ANKIB1: variants seen among roughly 807,000 people sequenced by gnomAD.
The protein encoded by ANKIB1 is ankyrin repeat and IBR domain containing 1, also known as ankyrin repeat and IBR domain-containing protein 1.
ANKIB1 carries 43 observed loss-of-function variants against 122.1 expected under a neutral mutation model. The observed-to-expected ratio is 0.35, with a 90% CI of 0.28 to 0.45. The LOEUF is 0.45. ANKIB1 is among the 20% of genes least tolerant of loss of function. The pLI, the probability that ANKIB1 is intolerant of heterozygous loss-of-function variation, is 1.00. For synonymous variants in ANKIB1, 390 were observed against 442.0 expected (o/e 0.88, Z 1.48); for missense variants, 992 against 1,329.5 (o/e 0.75, Z 3.95).
At chr7:92,382,599 A>T (rs375814617) in intron 11 of ANKIB1, among the ~76,000 whole-genome samples, 2 of 152,318 alleles carry the variant, frequency 1.3e-5, no homozygotes, top group East Asian at 1.9e-4. Flanking sequence ...TCAAAACCGC[A>T]CAACTACATG....
intron 9 of ANKIB1, among the ~76,000 whole-genome samples, chr7:92,358,368 G>A (rs1803870167): frequency 1.3e-5 from 2 of 152,084 alleles, no homozygotes; most frequent in Non-Finnish European, 2.9e-5. Context: ...GTACCAACCA[G>A]TTATAACACC....
chr7:92,370,507 T>TA, intron 10 of ANKIB1, among the ~76,000 whole-genome samples: 1 of 23,078 alleles, frequency 4.3e-5, no homozygotes, highest in South Asian at 1.4e-3. Context: ...GACTCTTGTC[T>TA]CAAAAAAAAA....
chr7:92,248,459 G>A (rs754226653), intron 1 of ANKIB1, among the ~76,000 whole-genome samples: 6 of 152,108 alleles, frequency 3.9e-5, no homozygotes, highest in Non-Finnish European at 5.9e-5. Context: ...AGTGAAATAT[G>A]TGTATTTACA....
In ANKIB1 at chr7:92,343,022, A is replaced by T. The variant is rs1301743745; in HGVS notation, c.788-2A>T. ...GAGCTATCCATTCCATTTTTCTTTAAGACTGGGACAGGGAGAAATTACTTG... is the reference window on the plus strand; with the variant it reads ...GAGCTATCCATTCCATTTTTCTTTATGACTGGGACAGGGAGAAATTACTTG... On this transcript the variant is annotated splice_acceptor_variant, in intron 5 of 19. Coordinates refer to ENST00000265742, the MANE Select transcript of ANKIB1 (RefSeq NM_019004.2). LOFTEE classifies it high-confidence loss of function. 1 of 1,613,690 alleles carries T rather than the reference A, an allele frequency of 6.2e-7. No individual in the cohort carries two copies.
rs38794 is a variant in ANKIB1 at position 92,398,725 on chromosome 7, C to A, written c.3046C>A (p.Leu1016Met). 854,738 of 1,612,898 alleles carry A rather than the reference C, an allele frequency of 0.53. 230,013 individuals carry two copies. The highest frequency in any genetic ancestry group is 0.57 in the Admixed American group (34,436 of 59,944). Residue 1016 changes from leucine (L) to methionine (M), a missense_variant, in exon 20 of 20, where the codon CTG becomes ATG. This residue lies in a region of ANKIB1 where 384 missense variants were observed against 412.0 expected (regional missense o/e 0.93). Transcript: ENST00000265742. ...DGSEGVKDVE[L>M]VLPEDSMFED... is the part of the protein sequence containing the mutation. ...GTCAGAAGGTGTGAAGGATGTGGAA[C>A]TGGTGCTGCCAGAAGATTCAATGTT...
intron 5 of ANKIB1, among the ~76,000 whole-genome samples, chr7:92,336,014 A>T (rs1803280116): frequency 6.6e-6 from 1 of 152,058 alleles, no homozygotes; most frequent in South Asian, 2.1e-4. Flanking sequence ...GCATTAGTGT[A>T]GTACCACTTC....
chr7:92,296,053 G>A (rs79706240), intron 2 of ANKIB1, among the ~76,000 whole-genome samples: 8,658 of 152,026 alleles, frequency 0.057, 328 homozygotes, highest in Non-Finnish European at 0.087. Context: ...AAAACTTAAC[G>A]TTCAGCCTTT....
At position 92,371,407 on chromosome 7, in the gene ANKIB1, G is replaced by A. The variant is rs1249490483; in HGVS notation, c.1487-70G>A. 13 of 1,360,256 alleles carry A rather than the reference G, an allele frequency of 9.6e-6. No homozygotes were observed. The Admixed American group carries it at 3.0e-4, about 31-fold the overall frequency. The allele number at this position is 1,360,256 out of a possible 1,614,324, so 84.3% of individuals were successfully genotyped here. On this transcript the variant is annotated intron_variant, in intron 10 of 19. Transcript: ENST00000265742. The stretch of plus-strand genomic sequence containing the variant: ...GACAGCCTGCAAAGAAAAGTGTGGA[G>A]GGTTTTTTTTTCCCCCAGAAGTTGT...
rs183498666 is a variant in ANKIB1 at position 92,372,110 on chromosome 7, C to T, written c.1617+503C>T. On this transcript the variant is annotated intron_variant, in intron 11 of 19. Coordinates refer to ENST00000265742, the MANE Select transcript of ANKIB1 (RefSeq NM_019004.2). ...TCAAGGCCCAAACTAGGCCCAAATC[C>T]AGTCCATATACTGTCTCCATACAAT... Among the ~76,000 whole-genome samples, 33 of 152,066 alleles carry T rather than the reference C, an allele frequency of 2.2e-4. No homozygotes were observed. In the East Asian group the frequency reaches 5.0e-3, roughly 23 times the overall value.
intron 1 of ANKIB1, among the ~76,000 whole-genome samples, chr7:92,251,585 A>G (rs1321406347): frequency 1.3e-5 from 2 of 152,106 alleles, no homozygotes; most frequent in Admixed American, 6.6e-5. Context: ...GATTTCTCCT[A>G]TTGTTAATAT....
intron 15 of ANKIB1, among the ~76,000 whole-genome samples, chr7:92,390,490 A>C (rs1433211551): frequency 6.6e-6 from 1 of 152,338 alleles, no homozygotes; most frequent in Non-Finnish European, 1.5e-5. Flanking sequence ...GCTGTTTACC[A>C]GTTTATTTTT....
intron 1 of ANKIB1, among the ~76,000 whole-genome samples, chr7:92,258,086 A>G (rs1801486059): frequency 6.6e-6 from 1 of 152,208 alleles, no homozygotes; most frequent in Non-Finnish European, 1.5e-5. Flanking sequence ...TTTGAAAAAC[A>G]TTACTTTTCT....
At chr7:92,290,709 T>G (rs1319701629) in intron 1 of ANKIB1, among the ~76,000 whole-genome samples, 1 of 152,232 alleles carries the variant, frequency 6.6e-6, no homozygotes, top group Non-Finnish European at 1.5e-5. Context: ...TTTGTTAATT[T>G]AAGTACCGTT....
chr7:92,289,763 G>T (rs1802208894), intron 1 of ANKIB1, among the ~76,000 whole-genome samples: 1 of 152,114 alleles, frequency 6.6e-6, no homozygotes, highest in South Asian at 2.1e-4. Flanking sequence ...TATTTTATTT[G>T]CCCACATGCT....
intron 11 of ANKIB1, among the ~76,000 whole-genome samples, chr7:92,384,289 T>TCA: frequency 6.6e-6 from 1 of 152,158 alleles, no homozygotes; most frequent in Non-Finnish European, 1.5e-5. Flanking sequence ...AGAATCAATA[T>TCA]TGTAAAAATG....
At chr7:92,306,897 T>A (rs1246651556) in intron 2 of ANKIB1, among the ~76,000 whole-genome samples, 1 of 152,190 alleles carries the variant, frequency 6.6e-6, no homozygotes, top group Non-Finnish European at 1.5e-5. Flanking sequence ...GCCACTAATA[T>A]AGTAGTTGTT....
At chr7:92,268,431 C>T (rs553285307) in intron 1 of ANKIB1, among the ~76,000 whole-genome samples, 13 of 152,152 alleles carry the variant, frequency 8.5e-5, no homozygotes, top group Non-Finnish European at 1.8e-4. Flanking sequence ...AAAACTGAAG[C>T]GATCATGTTA....
At chr7:92,367,883 C>A (rs578059651) in intron 10 of ANKIB1, among the ~76,000 whole-genome samples, 1 of 152,234 alleles carries the variant, frequency 6.6e-6, no homozygotes, top group East Asian at 1.9e-4. Flanking sequence ...TGACTAGGTG[C>A]AGTGGTTTAC....
In ANKIB1 at chr7:92,398,441, G is replaced by C; in HGVS notation, c.2762G>C (p.Ser921Thr). The C allele has an allele frequency of 1.9e-6, 3 of 1,613,842 alleles. No individual in the cohort carries two copies. Among genetic ancestry groups the C allele is most frequent in the Non-Finnish European group, 2.5e-6 (3 of 1,179,820 alleles). ...SSSELLELGD[S>T]LMRLGAENDP... ...TCTGAGCTTTTGGAACTTGGTGACA[G>C]CCTCATGAGACTAGGAGCAGAGAAT... Residue 921 changes from serine (S) to threonine (T), a missense_variant, in exon 20 of 20, where the codon AGC becomes ACC. Ser to Thr is a moderately conservative substitution (Grantham distance 58). Transcript: ENST00000265742.
Sources: gnomAD v4.1 joint callset for allele counts (sites outside exome capture counted in the v4.1 genomes callset) on GRCh38, gnomAD v4.1.1 for gene constraint, gnomAD v4.1.1 regional missense constraint, MANE v1.5 for transcripts, NCBI Gene and HGNC (gene_info 2026-07-23, HGNC 2026-07-21) for gene names.